PNO1: variants seen among roughly 807,000 people sequenced by gnomAD.
The protein encoded by PNO1 is partner of NOB1 homolog.
In PNO1, 16 loss-of-function variants were observed where a neutral mutation model predicts 28.4. That is an observed-to-expected ratio of 0.56 (90% CI 0.38 to 0.85). The LOEUF (loss-of-function observed/expected upper bound fraction) is 0.85. PNO1 is among the 40% of genes least tolerant of loss of function. PNO1 has a pLI of 0.00. For synonymous variants in PNO1, 115 were observed against 110.8 expected, an observed-to-expected ratio of 1.04 and a Z score of -0.24; for missense variants, 304 against 312.2, an observed-to-expected ratio of 0.97 and a Z score of 0.20.
intron 5 of PNO1, among the ~76,000 whole-genome samples, chr2:68,166,198 CT>C (rs1177593053): frequency 6.6e-6 from 1 of 152,074 alleles, no homozygotes; most frequent in African/African-American, 2.4e-5. Flanking sequence ...ACTGTTGACC[CT>C]TGAATATTGC....
chr2:68,165,178 A>C (rs554033463), intron 5 of PNO1, among the ~76,000 whole-genome samples: 57 of 151,254 alleles, frequency 3.8e-4, no homozygotes, highest in South Asian at 6.3e-4. Flanking sequence ...TCCCGGCTAA[A>C]ACGGTGAAAC....
chr2:68,159,284 A>ATG (rs1292011616), intron 2 of PNO1, among the ~76,000 whole-genome samples: 11 of 151,790 alleles, frequency 7.2e-5, no homozygotes, highest in African/African-American at 2.7e-4. Flanking sequence ...GTGTGTATAT[A>ATG]TATCTTTTTA....
chr2:68,165,227 A>T (rs923770789), intron 5 of PNO1, among the ~76,000 whole-genome samples: 3 of 150,840 alleles, frequency 2.0e-5, no homozygotes, highest in South Asian at 4.2e-4. Flanking sequence ...AGCCGGGCGT[A>T]GTGGCGGGCG....
chr2:68,173,418 G>A lies in PNO1; in HGVS notation c.691+1G>A. On this transcript the variant is annotated splice_donor_variant, in intron 6 of 6. Transcript: ENST00000263657. LOFTEE classifies it high-confidence loss of function. ...ACTGCCATTTGCAACCTAATCTTGG[G>A]TAATAGCAGTTTCTTTCTTTGGTGT... 1 of 1,569,070 alleles carries A rather than the reference G, an allele frequency of 6.4e-7. No individual in the cohort carries two copies. The highest frequency in any genetic ancestry group is 8.8e-7 in the Non-Finnish European group (1 of 1,139,172).
intron 3 of PNO1, 27 bp from the exon 4 acceptor site, chr2:68,162,238 T>A (rs1673850156): frequency 1.3e-6 from 2 of 1,572,630 alleles, no homozygotes; most frequent in Non-Finnish European, 1.7e-6. Flanking sequence ...TGGAAGGGGC[T>A]TCACGGTGTT....
At chr2:68,159,329 T>C (rs1229309726) in intron 2 of PNO1, among the ~76,000 whole-genome samples, 1 of 151,972 alleles carries the variant, frequency 6.6e-6, no homozygotes, top group African/African-American at 2.4e-5. Context: ...GTGAGTGGCA[T>C]GATCTTGGCT....
At chr2:68,173,537 T>A in intron 6 of PNO1, 120 bp downstream of exon 6, 1 of 608,328 alleles carries the variant, frequency 1.6e-6, no homozygotes. Context: ...GTAGAAACCC[T>A]TGGGAGTTGG....
chr2:68,162,640 G>C lies in PNO1; in HGVS notation c.597G>C (p.Arg199=). Residue 199 remains arginine (R), a synonymous_variant, in exon 5 of 7, where the codon CGG becomes CGC. Coordinates refer to ENST00000263657, the MANE Select transcript of PNO1 (RefSeq NM_020143.4). The part of the protein sequence containing the change: ...KTKFTIENVT[R]TRIVLADVKV... ...AATTCACCATAGAGAATGTGACACGGACAAGGATAGTTTTGGCTGATGTGT... is the reference window on the plus strand; with the variant it reads ...AATTCACCATAGAGAATGTGACACGCACAAGGATAGTTTTGGCTGATGTGT... The C allele has an allele frequency of 6.2e-7, 1 of 1,610,676 alleles. No homozygotes were observed. The highest frequency in any genetic ancestry group is 8.5e-7 in the Non-Finnish European group (1 of 1,176,882).
rs1453623270 is a variant in PNO1 at position 68,173,364 on chromosome 2, G to C, written c.638G>C (p.Gly213Ala). ...TCTTTCAGGAAAGTTCACATCCTTG[G>C]CTCCTTCCAAAATATCAAGATGGCA... ...VLADVKVHIL[G>A]SFQNIKMART... Residue 213 changes from glycine (G) to alanine (A), a missense_variant, in exon 6 of 7, where the codon GGC (glycine) becomes GCC (alanine). Transcript: ENST00000263657. The C allele has an allele frequency of 6.2e-7, 1 of 1,603,354 alleles. No homozygotes were observed. The highest frequency in any genetic ancestry group is 8.5e-7 in the Non-Finnish European group (1 of 1,170,630).
rs760684399 is a variant in PNO1, at chr2:68,157,956, C to G, written c.22C>G (p.Gln8Glu). The G allele has an allele frequency of 2.0e-5, 33 of 1,613,940 alleles. No individual in the cohort carries two copies. The highest frequency in any genetic ancestry group is 2.5e-5 in the Non-Finnish European group (30 of 1,180,022). Residue 8 changes from glutamine (Q) to glutamate (E), a missense_variant, in exon 1 of 7, where the codon CAG (glutamine) becomes GAG (glutamate). By Grantham distance (29) the Gln-to-Glu change is conservative. Transcript: ENST00000263657. ...GGGGATGGAATCCGAAATGGAAACGCAGAGCGCCAGGGCAGAGGAGGGCTT... is the reference window on the plus strand; with the variant it reads ...GGGGATGGAATCCGAAATGGAAACGGAGAGCGCCAGGGCAGAGGAGGGCTT... MESEMET[Q>E]SARAEEGFTQ... is the part of the protein sequence containing the mutation.
In PNO1 at chr2:68,158,107, C is replaced by T. The variant is rs143235257; in HGVS notation, c.173C>T (p.Pro58Leu). ...DTEEARPAKR[P>L]VFPPLCGDGL... ...GAGGAGGCCAGGCCGGCGAAGAGGC[C>T]CGTCTTCCCACCCCTCTGTGGGGAC... is the stretch of plus-strand genomic sequence containing the variant. Residue 58 changes from proline (P) to leucine (L), a missense_variant, in exon 1 of 7, where the codon CCC becomes CTC. Physicochemically the swap from Pro to Leu is moderately conservative, Grantham distance 98. Transcript: ENST00000263657. 7.5e-6 allele frequency: 12 copies of T among 1,609,692 alleles called. No homozygotes were observed. The highest frequency in any genetic ancestry group is 1.0e-5 in the Non-Finnish European group (12 of 1,178,126).
chr2:68,161,403 A>G (rs1472802311), intron 2 of PNO1: 4 of 457,676 alleles, frequency 8.7e-6, no homozygotes, highest in African/African-American at 2.0e-5. Context: ...GTTGTGCCAG[A>G]GGAGTCTTGC....
chr2:68,161,770 A>T lies in PNO1; in HGVS notation c.441+4A>T, dbSNP rs1458299323. 6.3e-7 allele frequency: 1 copy of T among 1,582,360 alleles called. No homozygotes were observed. ...TATTCTCGGCTTTCAGGTGGAGGTG[A>T]GTAATTCCATGATATCTAAAATGGG... On this transcript the variant is annotated splice_donor_region_variant and intron_variant, in intron 3 of 6. Coordinates refer to ENST00000263657, the MANE Select transcript of PNO1 (RefSeq NM_020143.4).
At chr2:68,165,966 T>C (rs1673987770) in intron 5 of PNO1, among the ~76,000 whole-genome samples, 1 of 152,252 alleles carries the variant, frequency 6.6e-6, no homozygotes, top group South Asian at 2.1e-4. Flanking sequence ...TGCATCTTTA[T>C]GGTCAGTTGC....
chr2:68,158,466 T>C lies in PNO1; in HGVS notation c.294T>C (p.Pro98=). The C allele has an allele frequency of 6.2e-7, 1 of 1,613,330 alleles. No individual in the cohort carries two copies. The highest frequency in any genetic ancestry group is 8.5e-7 in the Non-Finnish European group (1 of 1,179,258). ...AAAACTGGATGAAGATATTTACTCCTATTGTGGAACATTTGGGACTTCAGA... is the reference window on the plus strand; with the variant it reads ...AAAACTGGATGAAGATATTTACTCCCATTGTGGAACATTTGGGACTTCAGA... ...LKENWMKIFT[P]IVEHLGLQIR... Residue 98 remains proline (P), a synonymous_variant, in exon 2 of 7, where the codon CCT becomes CCC. Coordinates refer to ENST00000263657, the MANE Select transcript of PNO1 (RefSeq NM_020143.4).
intron 2 of PNO1, chr2:68,161,122 A>G: frequency 2.2e-6 from 1 of 455,388 alleles, no homozygotes. Context: ...TTACAGTGGT[A>G]GGCTTTTTAT....
In PNO1 at chr2:68,162,697, A is replaced by C. The variant is rs1301817252; in HGVS notation, c.620+34A>C. 3 of 1,241,842 alleles carry C rather than the reference A, an allele frequency of 2.4e-6. No homozygotes were observed. The African/African-American group carries it at 4.4e-5, about 18-fold the overall frequency. 76.9% of individuals were successfully genotyped at this position (1,241,842 alleles called of 1,614,324 possible). A position where few individuals can be genotyped will look rare whatever the true frequency, so the allele number is the denominator to read the frequency against. ...CTGATCTTGAGAAAATTATTGTCAT[A>C]ATTTATATTTGATCTTTTGTTTTAA... On this transcript the variant is annotated intron_variant, in intron 5 of 6. Transcript: ENST00000263657.
At position 68,167,313 on chromosome 2, in the gene PNO1, CA is replaced by C. The variant is rs1473096310; in HGVS notation, c.620+4651del. Among the ~76,000 whole-genome samples the C allele has an allele frequency of 3.9e-5, 6 of 152,260 alleles. No individual in the cohort carries two copies. In the East Asian group the frequency reaches 1.2e-3, roughly 29 times the overall value. On this transcript the variant is annotated intron_variant, in intron 5 of 6. Coordinates refer to ENST00000263657, the MANE Select transcript of PNO1 (RefSeq NM_020143.4). Reference sequence around the variant, plus strand: ...TCATGGGGTTCTTGGGTGGCTGGGACATTGCTCAACATCAAAAGAGCTTTAA... The same window carrying C: ...TCATGGGGTTCTTGGGTGGCTGGGACTTGCTCAACATCAAAAGAGCTTTAA...
rs200357150 is a variant in PNO1 at position 68,158,134 on chromosome 2, G to C, written c.200G>C (p.Gly67Ala). Residue 67 changes from glycine to alanine, a missense_variant, in exon 1 of 7, where the codon GGG (glycine) becomes GCG (alanine). Coordinates refer to ENST00000263657, the MANE Select transcript of PNO1 (RefSeq NM_020143.4). ...GTCTTCCCACCCCTCTGTGGGGACG[G>C]GCTCCTGGTATGTGGCTGGGACCCT... is the stretch of plus-strand genomic sequence containing the variant. ...RPVFPPLCGD[G>A]LLSGKEETRK... is the part of the protein sequence containing the mutation. 6.5e-4 allele frequency: 1,033 copies of C among 1,599,198 alleles called. 3 individuals carry two copies. The highest frequency in any genetic ancestry group is 7.7e-4 in the Non-Finnish European group (905 of 1,172,450).
Sources: gnomAD v4.1 joint callset for allele counts (sites outside exome capture counted in the v4.1 genomes callset) on GRCh38, gnomAD v4.1.1 for gene constraint, MANE v1.5 for transcripts, NCBI Gene and HGNC (gene_info 2026-07-23, HGNC 2026-07-21) for gene names.